The following RPS6KA2 variants were observed in gnomAD, a reference collection of about 807,000 sequenced individuals.
RPS6KA2 encodes ribosomal protein S6 kinase alpha-2.
In RPS6KA2, 42 loss-of-function variants were observed where a neutral mutation model predicts 91.8. The observed-to-expected ratio is 0.46, with a 90% CI of 0.36 to 0.59. The LOEUF is 0.59. RPS6KA2 is among the 20% of genes least tolerant of loss of function. RPS6KA2 has a pLI of 0.00. For synonymous variants in RPS6KA2, 414 were observed against 393.6 expected (o/e 1.05, Z -0.61); for missense variants, 798 against 978.5 (o/e 0.82, Z 2.46).
chr6:166,830,645 C>A (rs918997793), intron 2 of RPS6KA2, among the ~76,000 whole-genome samples: 3 of 151,852 alleles, frequency 2.0e-5, no homozygotes, highest in African/African-American at 7.3e-5. Flanking sequence ...GGAAGTAAGG[C>A]CTGCCCTCTA....
At chr6:166,698,332 C>G (rs957250035) in intron 2 of RPS6KA2, among the ~76,000 whole-genome samples, 1 of 152,128 alleles carries the variant, frequency 6.6e-6, no homozygotes, top group Non-Finnish European at 1.5e-5. Context: ...TGAGTGATGA[C>G]TCTTAAAAAA....
intron 2 of RPS6KA2, among the ~76,000 whole-genome samples, chr6:166,779,309 C>T (rs913812766): frequency 8.5e-5 from 13 of 152,146 alleles, no homozygotes; most frequent in African/African-American, 1.2e-4. Flanking sequence ...GACTGCCTTC[C>T]GTCCAGTAAA....
chr6:166,764,732 C>T (rs763067903), intron 2 of RPS6KA2, among the ~76,000 whole-genome samples: 13 of 152,208 alleles, frequency 8.5e-5, no homozygotes, highest in South Asian at 8.3e-4. Context: ...CCCCTGACAA[C>T]GGGAGGAAGA....
chr6:166,701,784 C>G, intron 2 of RPS6KA2: 3 of 996,770 alleles, frequency 3.0e-6, no homozygotes, highest in Non-Finnish European at 4.7e-6. Flanking sequence ...TCCTAACGCT[C>G]CCTGATTTTC....
rs114151790 is a variant in RPS6KA2 at position 166,450,806 on chromosome 6, C to T, written c.1206+297G>A. On this transcript the variant is annotated intron_variant, in intron 13 of 20. Coordinates refer to ENST00000265678, the MANE Select transcript of RPS6KA2 (RefSeq NM_021135.6). Reference sequence around the variant, plus strand: ...CCACCATGGGAGTATCCATGGGGACCGTCACAGGGACCACCACTGGAGACC... The same window carrying T: ...CCACCATGGGAGTATCCATGGGGACTGTCACAGGGACCACCACTGGAGACC... 4.1e-3 allele frequency among the ~76,000 whole-genome samples: 621 copies of T among 151,928 alleles called. 5 individuals are homozygous for T. The highest frequency in any genetic ancestry group is 0.014 in the African/African-American group (590 of 41,378).
intron 1 of RPS6KA2, among the ~76,000 whole-genome samples, chr6:166,609,967 C>A (rs1786108243): frequency 6.6e-6 from 1 of 152,142 alleles, no homozygotes; most frequent in Non-Finnish European, 1.5e-5. Context: ...ACTAGTTATT[C>A]TTGTTCTCTT....
chr6:166,443,469 C>A (rs1205060743), intron 14 of RPS6KA2, among the ~76,000 whole-genome samples: 1 of 152,140 alleles, frequency 6.6e-6, no homozygotes, highest in Non-Finnish European at 1.5e-5. Flanking sequence ...ATGTGAGAAC[C>A]ACAAGATACC....
intron 2 of RPS6KA2, among the ~76,000 whole-genome samples, chr6:166,846,572 T>C (rs959988018): frequency 6.6e-6 from 1 of 152,180 alleles, no homozygotes; most frequent in Non-Finnish European, 1.5e-5. Flanking sequence ...AGTCAATAAA[T>C]GTGATATAGC....
At chr6:166,811,625 G>GA (rs534670945) in intron 2 of RPS6KA2, among the ~76,000 whole-genome samples, 49 of 152,090 alleles carry the variant, frequency 3.2e-4, no homozygotes, top group African/African-American at 5.1e-4. Flanking sequence ...CCTAGCCTCA[G>GA]AAAAAACAAA....
At chr6:166,506,692 T>G (rs1782239102) in intron 5 of RPS6KA2, among the ~76,000 whole-genome samples, 1 of 152,144 alleles carries the variant, frequency 6.6e-6, no homozygotes, top group South Asian at 2.1e-4. Flanking sequence ...TGGGACCCTT[T>G]GCGCCCGATT....
chr6:166,461,372 G>A (rs1780282469), intron 11 of RPS6KA2, among the ~76,000 whole-genome samples: 1 of 152,020 alleles, frequency 6.6e-6, no homozygotes, highest in Admixed American at 6.5e-5. Flanking sequence ...CAGGCCATCG[G>A]GTGCCACGAA....
Position 166,735,572 on chromosome 6 carries a change from T to G in RPS6KA2, c.123+122628A>C, listed in dbSNP as rs188945184. Among the ~76,000 whole-genome samples, 714 of 152,326 alleles carry G rather than the reference T, an allele frequency of 4.7e-3. 7 individuals carry two copies. The highest frequency in any genetic ancestry group is 0.016 in the African/African-American group (681 of 41,568). The stretch of plus-strand genomic sequence containing the variant: ...AGTCCTAAGCTTGTTTTCCCGCAAC[T>G]AAACGGTCTCATGTGGGGGTGATGG... On this transcript the variant is annotated intron_variant, in intron 2 of 21. Transcript: ENST00000503859.
At chr6:166,526,639 A>G (rs1402863099) in intron 3 of RPS6KA2, among the ~76,000 whole-genome samples, 3 of 152,182 alleles carry the variant, frequency 2.0e-5, no homozygotes, top group Non-Finnish European at 4.4e-5. Flanking sequence ...TGTGACTACC[A>G]CATCCAGCCA....
At chr6:166,436,642 C>T (rs1441997671) in intron 14 of RPS6KA2, among the ~76,000 whole-genome samples, 2 of 152,242 alleles carry the variant, frequency 1.3e-5, no homozygotes, top group Admixed American at 6.5e-5. Context: ...GAGCCAGAGG[C>T]ATGGAAGTGG....
chr6:166,425,706 G>A (rs1394137254), intron 16 of RPS6KA2, among the ~76,000 whole-genome samples: 3 of 151,638 alleles, frequency 2.0e-5, no homozygotes, highest in African/African-American at 7.3e-5. Flanking sequence ...AGACAAAGAA[G>A]GCCATTACAT....
At chr6:166,862,188 C>A in exon 1 of RPS6KA2, 3 of 1,614,088 alleles carry the variant, frequency 1.9e-6, no homozygotes, top group Non-Finnish European at 2.5e-6. Context: ...CTTTCCTTTT[C>A]TGCTGGTCGA....
In RPS6KA2 at chr6:166,498,594, C is replaced by T. The variant is rs761446246; in HGVS notation, c.661G>A (p.Gly221Arg). ...TCGGGCGCCATGTACTCGATCGTCCCGCAGAAGGAGTACGCTCTCTTGTCG... is the reference window on the plus strand; with the variant it reads ...TCGGGCGCCATGTACTCGATCGTCCTGCAGAAGGAGTACGCTCTCTTGTCG... ...DHDKRAYSFC[G>R]TIEYMAPEVV... Residue 221 changes from glycine (G) to arginine (R), a missense_variant, in exon 8 of 21, where the codon GGG becomes AGG. Physicochemically the swap from Gly to Arg is moderately radical, Grantham distance 125. Coordinates refer to ENST00000265678, the MANE Select transcript of RPS6KA2 (RefSeq NM_021135.6). 4.3e-6 allele frequency: 7 copies of T among 1,613,730 alleles called. No homozygotes were observed. The highest frequency in any genetic ancestry group is 2.2e-5 in the East Asian group (1 of 44,892).
chr6:166,633,299 A>G (rs2128546651), intron 2 of RPS6KA2, among the ~76,000 whole-genome samples: 1 of 152,350 alleles, frequency 6.6e-6, no homozygotes, highest in African/African-American at 2.4e-5. Flanking sequence ...GGGGCAGAGT[A>G]AAGGGGTGAG....
At position 166,646,919 on chromosome 6, in the gene RPS6KA2, C is replaced by T. The variant is rs138287236; in HGVS notation, c.124-108135G>A. 1.2e-3 allele frequency among the ~76,000 whole-genome samples: 177 copies of T among 152,282 alleles called. 1 individual carries two copies. Among genetic ancestry groups the T allele is most frequent in the African/African-American group, 4.0e-3 (168 of 41,566 alleles). Reference sequence around the variant, plus strand: ...TGCGAGCCGCTCCCCTGTGTGCCTTCGGCCGCCACTCCTCCCTCAGCTGCT... The same window carrying T: ...TGCGAGCCGCTCCCCTGTGTGCCTTTGGCCGCCACTCCTCCCTCAGCTGCT... On this transcript the variant is annotated intron_variant, in intron 2 of 21. Transcript: ENST00000503859.
Sources: allele counts gnomAD v4.1 joint callset (sites outside exome capture counted in the v4.1 genomes callset), GRCh38; gene constraint gnomAD v4.1.1; transcripts MANE v1.5; gene names NCBI Gene and HGNC (gene_info 2026-07-23, HGNC 2026-07-21).